Variants in RAB38 observed in about 807,000 individuals in gnomAD.
RAB38 encodes ras-related protein Rab-38.
Under a neutral mutation model 18.4 loss-of-function variants are expected in RAB38, and 15 were observed. That is an observed-to-expected ratio of 0.82 (90% CI 0.55 to 1.26). The LOEUF is 1.26. Ranked by LOEUF, RAB38 falls within the 50% of genes most tolerant of loss-of-function variation. The pLI is 0.00. For synonymous variants in RAB38, 101 were observed against 104.4 expected (o/e 0.97, Z 0.20); for missense variants, 294 against 267.4 (o/e 1.10, Z -0.69).
the RAB38 span, among the ~76,000 whole-genome samples, chr11:88,039,529 C>G: frequency 6.6e-6 from 1 of 151,970 alleles, no homozygotes; most frequent in Admixed American, 6.6e-5. Context: ...GACTTAGGAG[C>G]CTCTGGAGAG....
chr11:88,074,075 G>C, the RAB38 span, among the ~76,000 whole-genome samples: 1 of 151,528 alleles, frequency 6.6e-6, no homozygotes, highest in Non-Finnish European at 1.5e-5. Context: ...AGAATTACTG[G>C]TGTTTAAGAG....
At chr11:87,871,522 T>C in the RAB38 span, among the ~76,000 whole-genome samples, 1 of 151,628 alleles carries the variant, frequency 6.6e-6, no homozygotes, top group Non-Finnish European at 1.5e-5. Context: ...GTTAAAAGCA[T>C]AAATTAGTCC....
At chr11:87,954,270 T>G in the RAB38 span, among the ~76,000 whole-genome samples, 4 of 152,192 alleles carry the variant, frequency 2.6e-5, no homozygotes, top group Admixed American at 6.5e-5. Context: ...GGTGAGCATG[T>G]GAACTCCTAC....
At chr11:87,976,401 TTATATATTTA>T in the RAB38 span, among the ~76,000 whole-genome samples, 1 of 126,834 alleles carries the variant, frequency 7.9e-6, no homozygotes, top group South Asian at 2.3e-4. Flanking sequence ...ATACACATAT[TTATATATTTA>T]TATATATTTA....
chr11:88,102,602 G>A, the RAB38 span, among the ~76,000 whole-genome samples: 5 of 151,996 alleles, frequency 3.3e-5, no homozygotes, highest in Admixed American at 6.6e-5. Context: ...ATATATTCAC[G>A]TAAGAAGGAG....
At chr11:87,905,323 G>A in the RAB38 span, among the ~76,000 whole-genome samples, 3 of 150,942 alleles carry the variant, frequency 2.0e-5, no homozygotes, top group South Asian at 6.3e-4. Flanking sequence ...TTGTGTCCTG[G>A]TTAGCTCTTT....
the RAB38 span, among the ~76,000 whole-genome samples, chr11:87,864,044 T>C: frequency 6.6e-6 from 1 of 151,758 alleles, no homozygotes; most frequent in East Asian, 2.0e-4. Context: ...AAATCTACCC[T>C]TTATCTTTCC....
At chr11:87,937,884 T>G in the RAB38 span, among the ~76,000 whole-genome samples, 2 of 151,476 alleles carry the variant, frequency 1.3e-5, no homozygotes, top group African/African-American at 4.8e-5. Context: ...TTTTTTTTTT[T>G]TTTTTTTATC....
chr11:87,977,746 A>T, the RAB38 span, among the ~76,000 whole-genome samples: 1 of 12,570 alleles, frequency 8.0e-5, no homozygotes, highest in Non-Finnish European at 1.2e-4. Flanking sequence ...TATATATTCT[A>T]TAATATATAT....
chr11:87,923,441 C>G, the RAB38 span, among the ~76,000 whole-genome samples: 1 of 151,358 alleles, frequency 6.6e-6, no homozygotes, highest in Admixed American at 6.6e-5. Context: ...TTATTTTGTC[C>G]TTAAGCATAA....
the RAB38 span, among the ~76,000 whole-genome samples, chr11:87,824,693 G>A: frequency 1.3e-5 from 2 of 152,144 alleles, no homozygotes; most frequent in South Asian, 4.2e-4. Flanking sequence ...AAATGTCCAA[G>A]AAAGAATTAA....
At chr11:88,141,683 C>A (rs761839843) in intron 2 of RAB38, among the ~76,000 whole-genome samples, 33 of 152,082 alleles carry the variant, frequency 2.2e-4, no homozygotes, top group Non-Finnish European at 4.1e-4. Context: ...TTTGACATAC[C>A]GCAAAGCTTT....
chr11:88,122,045 G>A (rs1291605581), intron 2 of RAB38, among the ~76,000 whole-genome samples: 1 of 152,080 alleles, frequency 6.6e-6, no homozygotes, highest in South Asian at 2.1e-4. Flanking sequence ...ATTTTTATGT[G>A]TAGATGTCTG....
chr11:88,030,982 A>G, the RAB38 span, among the ~76,000 whole-genome samples: 1 of 151,120 alleles, frequency 6.6e-6, no homozygotes, highest in Admixed American at 6.6e-5. Context: ...ATCCTCAATA[A>G]AATACTGGCA....
the RAB38 span, among the ~76,000 whole-genome samples, chr11:87,858,385 A>G: frequency 6.6e-6 from 1 of 152,078 alleles, no homozygotes; most frequent in Non-Finnish European, 1.5e-5. Context: ...AAATGCTCCA[A>G]GGAACTCTGG....
the RAB38 span, among the ~76,000 whole-genome samples, chr11:87,940,179 A>AAAG: frequency 6.6e-6 from 1 of 151,044 alleles, no homozygotes; most frequent in South Asian, 2.1e-4. Flanking sequence ...AAAAAAAAAA[A>AAAG]AGAGAGAGAG....
chr11:87,909,078 C>T, the RAB38 span, among the ~76,000 whole-genome samples: 1 of 151,954 alleles, frequency 6.6e-6, no homozygotes, highest in Admixed American at 6.6e-5. Context: ...CATATATCCT[C>T]TTGCCTCTAC....
At chr11:87,883,955 G>A in the RAB38 span, among the ~76,000 whole-genome samples, 1 of 151,914 alleles carries the variant, frequency 6.6e-6, no homozygotes, top group Non-Finnish European at 1.5e-5. Flanking sequence ...ATAATTTTAT[G>A]TTGTTTTAAG....
chr11:87,972,521 TG>T, the RAB38 span, among the ~76,000 whole-genome samples: 1 of 88,222 alleles, frequency 1.1e-5, no homozygotes, highest in Admixed American at 1.3e-4. Context: ...TAGCAGTTCT[TG>T]TTTTTTTTCC....
Sources: gnomAD v4.1 joint callset for allele counts (sites outside exome capture counted in the v4.1 genomes callset) on GRCh38, gnomAD v4.1.1 for gene constraint, MANE v1.5 for transcripts, NCBI Gene and HGNC (gene_info 2026-07-23, HGNC 2026-07-21) for gene names.